Variants in TFCP2L1 observed in about 807,000 individuals in gnomAD.
TFCP2L1 encodes the protein transcription factor CP2 like 1.
Under a neutral mutation model 72.2 loss-of-function variants are expected in TFCP2L1, and 12 were observed. The observed-to-expected ratio is 0.17, with a 90% CI of 0.11 to 0.27. The LOEUF (loss-of-function observed/expected upper bound fraction) is 0.27. Among genes scored for constraint, TFCP2L1 ranks in the 10% least tolerant of loss-of-function variants. The pLI is 1.00. For synonymous variants in TFCP2L1, 260 were observed against 251.0 expected (o/e 1.04, Z -0.34); for missense variants, 488 against 624.6 (o/e 0.78, Z 2.33).
chr2:121,224,326 GA>G lies in TFCP2L1; in HGVS notation c.*14del. ...AGGGCTGGGAGCTGGAGACAGGTATGAGGTCCACTGCTGCTCAGAGTCCACA... is the reference window on the plus strand; with the variant it reads ...AGGGCTGGGAGCTGGAGACAGGTATGGGTCCACTGCTGCTCAGAGTCCACA... On this transcript the variant is annotated 3_prime_UTR_variant, in exon 15 of 15. Transcript: ENST00000263707. The G allele has an allele frequency of 6.2e-7, 1 of 1,613,864 alleles. No individual in the cohort carries two copies. Among genetic ancestry groups the G allele is most frequent in the East Asian group, 2.2e-5 (1 of 44,878 alleles).
In TFCP2L1 at chr2:121,246,712, G is replaced by A. The variant is rs543722930; in HGVS notation, c.657+106C>T. On this transcript the variant is annotated intron_variant, in intron 6 of 14. Coordinates refer to ENST00000263707, the MANE Select transcript of TFCP2L1 (RefSeq NM_014553.3). ...AAGCCATGTGCTAAAGGGATGCTGC[G>A]TTCCTCGCTGGGCCTGTAAGAGGAA... The A allele has an allele frequency of 2.4e-4, 340 of 1,441,186 alleles. 2 individuals are homozygous for A. In the South Asian group the frequency reaches 3.2e-3, roughly 14 times the overall value. The allele number at this position is 1,441,186 out of a possible 1,614,324, so 89.3% of individuals were successfully genotyped here. A position where few individuals can be genotyped will look rare whatever the true frequency, so the allele number is the denominator to read the frequency against.
chr2:121,246,560 G>A (rs17006279), intron 6 of TFCP2L1, among the ~76,000 whole-genome samples: 24,690 of 152,190 alleles, frequency 0.16, 2,288 homozygotes, highest in South Asian at 0.33. Flanking sequence ...CAGCCAGGAC[G>A]GACATCCATG....
At chr2:121,263,499 T>C (rs1211659715) in intron 2 of TFCP2L1, among the ~76,000 whole-genome samples, 1 of 122,694 alleles carries the variant, frequency 8.2e-6, no homozygotes, top group African/African-American at 3.1e-5. Context: ...AAAAAGGGCA[T>C]ACAAACACAT....
chr2:121,243,243 G>A (rs1002179690), intron 6 of TFCP2L1, among the ~76,000 whole-genome samples: 4 of 152,232 alleles, frequency 2.6e-5, no homozygotes, highest in African/African-American at 7.2e-5. Flanking sequence ...CGCTAGAACC[G>A]AGCAGTTTTA....
At chr2:121,250,883 G>A (rs1686597486) in intron 2 of TFCP2L1, among the ~76,000 whole-genome samples, 2 of 151,640 alleles carry the variant, frequency 1.3e-5, no homozygotes, top group South Asian at 4.2e-4. Flanking sequence ...GGGATTACAG[G>A]CGTGAGCCAC....
At chr2:121,230,802 A>G (rs998742556) in intron 13 of TFCP2L1, among the ~76,000 whole-genome samples, 13 of 151,874 alleles carry the variant, frequency 8.6e-5, no homozygotes, top group South Asian at 6.2e-4. Context: ...AAGGCTGGGC[A>G]TGGTGGCTCA....
intron 2 of TFCP2L1, among the ~76,000 whole-genome samples, chr2:121,273,606 C>T (rs115934328): frequency 0.016 from 2,475 of 152,284 alleles, 81 homozygotes; most frequent in African/African-American, 0.056. Context: ...TTGTTTGACA[C>T]GGCACTGAGA....
intron 2 of TFCP2L1, among the ~76,000 whole-genome samples, chr2:121,268,850 T>G (rs1200889002): frequency 2.0e-5 from 3 of 150,316 alleles, no homozygotes; most frequent in Admixed American, 6.7e-5. Flanking sequence ...CAGAAGGACC[T>G]GCTTCATTCT....
intron 6 of TFCP2L1, among the ~76,000 whole-genome samples, chr2:121,244,347 G>A (rs924831637): frequency 3.9e-5 from 6 of 152,224 alleles, no homozygotes; most frequent in Admixed American, 3.3e-4. Flanking sequence ...GGTGACCGGC[G>A]AACGGAGGGG....
Position 121,246,929 on chromosome 2 carries a change from C to T in TFCP2L1, c.546G>A (p.Gly182=), listed in dbSNP as rs200902409. ...ISTEFTPRKH[G]GEKGVPFRVQ... is the part of the protein sequence containing the mutation. Reference sequence around the variant, plus strand: ...CTCGAAAGGGCACTCCCTTCTCGCCCCCGTGCTTCCTGGGGGTGAATTCTG... The same window carrying T: ...CTCGAAAGGGCACTCCCTTCTCGCCTCCGTGCTTCCTGGGGGTGAATTCTG... The change falls in exon 6 of 15, where the codon GGG becomes GGA. Residue 182 remains glycine, a synonymous_variant. Transcript: ENST00000263707. The T allele has an allele frequency of 1.2e-6, 2 of 1,614,158 alleles. No individual in the cohort carries two copies. Among genetic ancestry groups the T allele is most frequent in the African/African-American group, 1.3e-5 (1 of 75,046 alleles).
At chr2:121,268,070 G>A (rs1686969281) in intron 2 of TFCP2L1, among the ~76,000 whole-genome samples, 1 of 152,126 alleles carries the variant, frequency 6.6e-6, no homozygotes, top group South Asian at 2.1e-4. Context: ...TACGATCACA[G>A]CACTGTACTC....
At position 121,277,674 on chromosome 2, in the gene TFCP2L1, T is replaced by C. The variant is rs190972154; in HGVS notation, c.214+3446A>G. 1.8e-4 allele frequency among the ~76,000 whole-genome samples: 28 copies of C among 152,268 alleles called. No individual in the cohort carries two copies. The East Asian group carries it at 5.0e-3, about 27-fold the overall frequency. On this transcript the variant is annotated intron_variant, in intron 2 of 14. Transcript: ENST00000263707. Reference sequence around the variant, plus strand: ...CCATAATATGAAACAGTTAAAGTCATAGAAATATACAATGTAATACTATGC... The same window carrying C: ...CCATAATATGAAACAGTTAAAGTCACAGAAATATACAATGTAATACTATGC...
intron 2 of TFCP2L1, among the ~76,000 whole-genome samples, chr2:121,276,331 C>T (rs1687146123): frequency 1.8e-5 from 2 of 111,790 alleles, no homozygotes; most frequent in South Asian, 5.4e-4. Flanking sequence ...TTTTCTGTTC[C>T]TGTGTTAGTT....
chr2:121,231,897 T>A lies in TFCP2L1; in HGVS notation c.1270A>T (p.Ile424Phe). ...ACTCGGTGGATGTGCTGGGGGGAGATGCTGTACAGGTTGGCGATCTTCTCA... is the reference window on the plus strand; with the variant it reads ...ACTCGGTGGATGTGCTGGGGGGAGAAGCTGTACAGGTTGGCGATCTTCTCA... ...LIEKIANLYS[I>F]SPQHIHRVYR... The change falls in exon 13 of 15, where the codon ATC becomes TTC. Residue 424 changes from isoleucine (I) to phenylalanine (F), a missense_variant. This residue lies in a region of TFCP2L1 where 286 missense variants were observed against 329.0 expected (regional missense o/e 0.87). Transcript: ENST00000263707. 1 of 1,613,152 alleles carries A rather than the reference T, an allele frequency of 6.2e-7. No homozygotes were observed. Among genetic ancestry groups the A allele is most frequent in the Non-Finnish European group, 8.5e-7 (1 of 1,179,584 alleles).
intron 2 of TFCP2L1, among the ~76,000 whole-genome samples, chr2:121,266,882 ATTATTTATTTAT>A (rs199919633): frequency 0.057 from 8,384 of 145,836 alleles, 336 homozygotes; most frequent in African/African-American, 0.1. Context: ...TATTTTTTTC[ATTATTTATTTAT>A]TTATTTATTT....
chr2:121,243,444 C>T (rs191477764), intron 6 of TFCP2L1, among the ~76,000 whole-genome samples: 3 of 152,264 alleles, frequency 2.0e-5, no homozygotes, highest in South Asian at 2.1e-4. Flanking sequence ...AGACCGGTAC[C>T]GGTCCCATGC....
At chr2:121,224,626 G>A (rs998372242) in intron 14 of TFCP2L1, among the ~76,000 whole-genome samples, 7 of 152,324 alleles carry the variant, frequency 4.6e-5, no homozygotes, top group East Asian at 1.9e-4. Flanking sequence ...GAAAACCTAC[G>A]TTCCAAGGAG....
chr2:121,224,609 C>T (rs1208171066), intron 14 of TFCP2L1, among the ~76,000 whole-genome samples: 1 of 152,204 alleles, frequency 6.6e-6, no homozygotes, highest in Non-Finnish European at 1.5e-5. Flanking sequence ...GCCCCAGGCC[C>T]AAGGATGAAA....
At chr2:121,247,805 G>A (rs1686519321) in intron 5 of TFCP2L1, among the ~76,000 whole-genome samples, 1 of 150,760 alleles carries the variant, frequency 6.6e-6, no homozygotes, top group Admixed American at 6.6e-5. Context: ...ACACAAGGCT[G>A]GATCCACACC....
Sources: gnomAD v4.1 joint callset for allele counts (sites outside exome capture counted in the v4.1 genomes callset) on GRCh38, gnomAD v4.1.1 for gene constraint, gnomAD v4.1.1 regional missense constraint, MANE v1.5 for transcripts, NCBI Gene and HGNC (gene_info 2026-07-23, HGNC 2026-07-21) for gene names.